KANK1: variants seen among roughly 807,000 people sequenced by gnomAD.
KANK1 encodes the protein KN motif and ankyrin repeat domains 1.
Under a neutral mutation model 106.2 loss-of-function variants are expected in KANK1, and 109 were observed. The ratio of observed to expected loss-of-function variants is 1.03; its 90% CI spans 0.88 to 1.20. The LOEUF is 1.20. Ranked by LOEUF, KANK1 falls within the 50% of genes most tolerant of loss-of-function variation. The pLI, the probability that KANK1 is intolerant of heterozygous loss-of-function variation, is 0.00. For synonymous variants in KANK1, 873 were observed against 652.2 expected, an observed-to-expected ratio of 1.34 and a Z score of -5.16; for missense variants, 2,399 against 1,710.7, an observed-to-expected ratio of 1.40 and a Z score of -7.10.
chr9:645,807 T>TGGGCGA (rs1407527680), intron 1 of KANK1, among the ~76,000 whole-genome samples: 1 of 150,820 alleles, frequency 6.6e-6, no homozygotes, highest in Admixed American at 6.6e-5. Context: ...CACTTCAGCT[T>TGGGCGA]GGGCGACAGA....
intron 1 of KANK1, among the ~76,000 whole-genome samples, chr9:515,606 A>C (rs1401063250): frequency 6.6e-6 from 1 of 151,746 alleles, no homozygotes; most frequent in African/African-American, 2.4e-5. Context: ...CAACTTTTCT[A>C]ATTTGTTAAC....
chr9:731,085 C>G (rs916042533), intron 4 of KANK1, 73 bp from the exon 5 acceptor site: 16 of 749,974 alleles, frequency 2.1e-5, no homozygotes, highest in Non-Finnish European at 3.5e-5. Context: ...GAGAAAAGAA[C>G]TGTACAGGAA....
At position 690,641 on chromosome 9, in the gene KANK1, A is replaced by C. The variant is rs146081425; in HGVS notation, c.37+13632A>C. 5.3e-4 allele frequency among the ~76,000 whole-genome samples: 81 copies of C among 152,274 alleles called. 2 individuals carry two copies. The highest frequency in any genetic ancestry group is 1.9e-3 in the African/African-American group (79 of 41,538). On this transcript the variant is annotated intron_variant, in intron 2 of 11. Coordinates refer to ENST00000382297, the MANE Select transcript of KANK1 (RefSeq NM_015158.5). ...TGGATGTCAGGAAATAGGCATCTTG[A>C]CCTGTCCACAGTGTAATTCAGGCCA... is the stretch of plus-strand genomic sequence containing the variant.
intron 3 of KANK1, among the ~76,000 whole-genome samples, chr9:724,248 G>C (rs955361641): frequency 6.6e-6 from 1 of 152,154 alleles, no homozygotes; most frequent in Non-Finnish European, 1.5e-5. Context: ...ATTTATGGAT[G>C]AAAATGATTG....
At chr9:630,857 A>G (rs1012449256) in intron 1 of KANK1, among the ~76,000 whole-genome samples, 1 of 152,006 alleles carries the variant, frequency 6.6e-6, no homozygotes, top group Admixed American at 6.6e-5. Flanking sequence ...TGGGAGGCTG[A>G]GGCACGAGAA....
chr9:740,927 C>T lies in KANK1; in HGVS notation c.3689C>T (p.Ala1230Val). 1.2e-6 allele frequency: 2 copies of T among 1,614,168 alleles called. No individual in the cohort carries two copies. Among genetic ancestry groups the T allele is most frequent in the Non-Finnish European group, 1.7e-6 (2 of 1,180,016 alleles). ...GGCTGTGGGGATGTGAATGCCAAAG[C>T]TAGTCAGGTTAGTGCGCCTGGTTCC... ...LFGCGDVNAK[A>V]SQAGQTALML... Residue 1230 changes from alanine to valine, a missense_variant, in exon 9 of 12, where the codon GCT becomes GTT. Transcript: ENST00000382297.
intron 1 of KANK1, among the ~76,000 whole-genome samples, chr9:653,080 C>T (rs1225698560): frequency 6.6e-6 from 1 of 152,154 alleles, no homozygotes; most frequent in African/African-American, 2.4e-5. Context: ...CCCATATGGC[C>T]TTAACTTTAT....
chr9:611,880 G>C (rs867207959), intron 1 of KANK1, among the ~76,000 whole-genome samples: 1 of 152,014 alleles, frequency 6.6e-6, no homozygotes, highest in Non-Finnish European at 1.5e-5. Flanking sequence ...CACCACACCC[G>C]GCTAATTTTT....
intron 1 of KANK1, among the ~76,000 whole-genome samples, chr9:639,992 G>C (rs910716466): frequency 1.3e-5 from 2 of 152,148 alleles, no homozygotes; most frequent in African/African-American, 2.4e-5. Context: ...ATGCCATCCC[G>C]TTGAAGGTTG....
At chr9:566,985 T>A (rs937976603) in intron 1 of KANK1, among the ~76,000 whole-genome samples, 1 of 152,176 alleles carries the variant, frequency 6.6e-6, no homozygotes, top group Non-Finnish European at 1.5e-5. Flanking sequence ...AGTATTACAT[T>A]TAAGTTTTTA....
Position 710,988 on chromosome 9 carries a change from A to C in KANK1, c.222A>C (p.Pro74=), listed in dbSNP as rs1279252396. The change falls in exon 3 of 12, where the codon CCA becomes CCC. Residue 74 remains proline (P), a synonymous_variant. Coordinates refer to ENST00000382297, the MANE Select transcript of KANK1 (RefSeq NM_015158.5). ...QKRRKPSVPC[P]EPRTTSGQQG... ...GGCGGAAGCCGTCCGTGCCATGCCC[A>C]GAACCCAGGACCACATCTGGTCAGC... The C allele has an allele frequency of 4.3e-6, 7 of 1,614,086 alleles. No homozygotes were observed. The African/African-American group carries it at 9.3e-5, about 22-fold the overall frequency.
chr9:686,896 C>A (rs979621094), intron 2 of KANK1: 2 of 985,118 alleles, frequency 2.0e-6, no homozygotes, highest in African/African-American at 3.5e-5. Context: ...AATGAAGAAT[C>A]CTGAGACTAA....
intron 1 of KANK1, among the ~76,000 whole-genome samples, chr9:536,676 C>G (rs749154278): frequency 2.0e-5 from 3 of 152,226 alleles, no homozygotes; most frequent in East Asian, 1.9e-4. Context: ...TTGGGTCCAT[C>G]TAGATAATCC....
At chr9:723,472 C>T (rs530716657) in intron 3 of KANK1, among the ~76,000 whole-genome samples, 144 of 151,278 alleles carry the variant, frequency 9.5e-4, no homozygotes, top group Non-Finnish European at 1.9e-3. Flanking sequence ...AGTGCATTTT[C>T]GTGGGGCATG....
chr9:538,359 G>A (rs539689909), intron 1 of KANK1, among the ~76,000 whole-genome samples: 6 of 152,266 alleles, frequency 3.9e-5, no homozygotes, highest in Admixed American at 2.0e-4. Context: ...TTGAGTAAAG[G>A]AGGGGCAGAC....
At chr9:544,366 G>A (rs1484760928) in intron 1 of KANK1, among the ~76,000 whole-genome samples, 2 of 151,886 alleles carry the variant, frequency 1.3e-5, no homozygotes, top group Non-Finnish European at 2.9e-5. Context: ...TATATTTGAG[G>A]GCTAGTTCTG....
At position 711,820 on chromosome 9, in the gene KANK1, G is replaced by A. The variant is rs781649379; in HGVS notation, c.1054G>A (p.Glu352Lys). The A allele has an allele frequency of 6.2e-6, 10 of 1,614,040 alleles. No homozygotes were observed. Among genetic ancestry groups the A allele is most frequent in the Non-Finnish European group, 8.5e-6 (10 of 1,180,034 alleles). ...GGAATTATACATTGACTATGAGGAG[G>A]AAGAAATGGAGACCGTAGAACAGAG... ...GGELYIDYEE[E>K]EMETVEQSTQ... The change falls in exon 3 of 12, where the codon GAA (glutamate) becomes AAA (lysine). Residue 352 changes from glutamate (E) to lysine (K), a missense_variant. By Grantham distance (56) the Glu-to-Lys change is moderately conservative (BLOSUM62 1). Coordinates refer to ENST00000382297, the MANE Select transcript of KANK1 (RefSeq NM_015158.5).
chr9:536,860 T>C (rs2060327359), intron 1 of KANK1, among the ~76,000 whole-genome samples: 1 of 152,174 alleles, frequency 6.6e-6, no homozygotes, highest in South Asian at 2.1e-4. Context: ...TTAACTCTCT[T>C]AGTTCGCAGT....
At chr9:728,717 T>C (rs538304633) in intron 3 of KANK1, among the ~76,000 whole-genome samples, 1 of 152,284 alleles carries the variant, frequency 6.6e-6, no homozygotes, top group East Asian at 1.9e-4. Context: ...ACCTGGAGGC[T>C]TCATCTACAT....
Sources: allele counts gnomAD v4.1 joint callset (sites outside exome capture counted in the v4.1 genomes callset), GRCh38; gene constraint gnomAD v4.1.1; transcripts MANE v1.5; gene names NCBI Gene and HGNC (gene_info 2026-07-23, HGNC 2026-07-21).